The following PDK1 variants were observed in gnomAD, a reference collection of about 807,000 sequenced individuals.
PDK1 encodes the protein pyruvate dehydrogenase kinase 1.
In PDK1, 39 loss-of-function variants were observed where a neutral mutation model predicts 54.2. That is an observed-to-expected ratio of 0.72 (90% CI 0.56 to 0.94). PDK1 has a LOEUF of 0.94. Among genes scored for constraint, PDK1 ranks in the 40% least tolerant of loss-of-function variants. The pLI, the probability that PDK1 is intolerant of heterozygous loss-of-function variation, is 0.00. For synonymous variants in PDK1, 221 were observed against 207.1 expected, an observed-to-expected ratio of 1.07 and a Z score of -0.58; for missense variants, 552 against 566.0, an observed-to-expected ratio of 0.98 and a Z score of 0.25.
chr2:172,707,252 TCTC>T, the PDK1 span, among the ~76,000 whole-genome samples: 2 of 152,276 alleles, frequency 1.3e-5, no homozygotes, highest in African/African-American at 4.8e-5. Flanking sequence ...CTGTACTTGG[TCTC>T]CTCAGATTCC....
chr2:172,576,651 C>A (rs1340223305), intron 8 of PDK1, among the ~76,000 whole-genome samples: 1 of 151,998 alleles, frequency 6.6e-6, no homozygotes, highest in Non-Finnish European at 1.5e-5. Context: ...GTCTATCTTA[C>A]AAGTTTTTAA....
At chr2:172,698,173 A>C in the PDK1 span, among the ~76,000 whole-genome samples, 28,768 of 152,188 alleles carry the variant, frequency 0.19, 3,305 homozygotes, top group African/African-American at 0.32. Flanking sequence ...GGTTTTGTGT[A>C]TCTACATGGA....
chr2:172,619,094 A>C, the PDK1 span, among the ~76,000 whole-genome samples: 374 of 152,206 alleles, frequency 2.5e-3, 1 homozygote, highest in Non-Finnish European at 4.4e-3. Context: ...TCATCTTTGC[A>C]TGACTTTCAC....
At chr2:172,702,511 G>T in the PDK1 span, among the ~76,000 whole-genome samples, 2 of 150,134 alleles carry the variant, frequency 1.3e-5, no homozygotes, top group African/African-American at 4.9e-5. Flanking sequence ...ATTTGCCAGG[G>T]CCTCTTTCAT....
the PDK1 span, among the ~76,000 whole-genome samples, chr2:172,713,817 C>G: frequency 3.3e-5 from 5 of 152,098 alleles, no homozygotes; most frequent in African/African-American, 1.2e-4. Context: ...GTGTGGATCC[C>G]GTCTGTTCCC....
the PDK1 span, among the ~76,000 whole-genome samples, chr2:172,634,860 T>C: frequency 0.016 from 2,391 of 152,294 alleles, 64 homozygotes; most frequent in African/African-American, 0.055. Flanking sequence ...ACCCTTTTTA[T>C]ATGAAGTAAC....
At chr2:172,565,177 G>A (rs1211997882) in intron 5 of PDK1, 104 bp downstream of exon 5, 16 of 699,008 alleles carry the variant, frequency 2.3e-5, no homozygotes, top group Non-Finnish European at 5.0e-6. Context: ...AAAATGGTAG[G>A]CACAAATGCA....
the PDK1 span, among the ~76,000 whole-genome samples, chr2:172,651,290 C>A: frequency 6.6e-6 from 1 of 152,144 alleles, no homozygotes; most frequent in African/African-American, 2.4e-5. Context: ...AACAAAGACA[C>A]AACATATCAG....
chr2:172,613,745 G>A, the PDK1 span, among the ~76,000 whole-genome samples: 1 of 152,226 alleles, frequency 6.6e-6, no homozygotes. Flanking sequence ...CAGCAGGGAA[G>A]TGTGGCTGGG....
the PDK1 span, among the ~76,000 whole-genome samples, chr2:172,666,379 A>G: frequency 6.6e-6 from 1 of 152,252 alleles, no homozygotes; most frequent in African/African-American, 2.4e-5. Flanking sequence ...GCACTCAAAC[A>G]TAAATTTAAT....
At chr2:172,589,905 G>A (rs1237612982) in intron 9 of PDK1, among the ~76,000 whole-genome samples, 1 of 152,128 alleles carries the variant, frequency 6.6e-6, no homozygotes, top group East Asian at 1.9e-4. Flanking sequence ...GAACAGACAC[G>A]GAATGATATG....
the PDK1 span, among the ~76,000 whole-genome samples, chr2:172,692,969 A>G: frequency 2.0e-5 from 3 of 152,230 alleles, no homozygotes; most frequent in Non-Finnish European, 4.4e-5. Context: ...TTGCAAAAGC[A>G]TCCACAGTAA....
At chr2:172,663,586 C>T in the PDK1 span, among the ~76,000 whole-genome samples, 1 of 152,154 alleles carries the variant, frequency 6.6e-6, no homozygotes, top group East Asian at 1.9e-4. Context: ...CCTCCTGTGA[C>T]AGCCAGGTGG....
chr2:172,645,704 A>G, the PDK1 span, among the ~76,000 whole-genome samples: 1 of 152,210 alleles, frequency 6.6e-6, no homozygotes, highest in African/African-American at 2.4e-5. Context: ...AGGACAAGTA[A>G]TGTGTTGTCA....
the PDK1 span, among the ~76,000 whole-genome samples, chr2:172,682,973 T>C: frequency 7.2e-5 from 11 of 152,284 alleles, no homozygotes; most frequent in South Asian, 2.3e-3. Flanking sequence ...TGATACCTTA[T>C]AAGGCTGAGG....
chr2:172,679,837 A>G, the PDK1 span, among the ~76,000 whole-genome samples: 1 of 152,230 alleles, frequency 6.6e-6, no homozygotes, highest in East Asian at 1.9e-4. Context: ...ACCAGGTCGA[A>G]CACAGGTTAA....
chr2:172,641,509 T>C, the PDK1 span, among the ~76,000 whole-genome samples: 1 of 149,364 alleles, frequency 6.7e-6, no homozygotes, highest in Non-Finnish European at 1.5e-5. Flanking sequence ...TGGCACAATC[T>C]CGGCTCACTG....
the PDK1 span, among the ~76,000 whole-genome samples, chr2:172,622,809 GTATATGTTTATATATTATATGTAATATGA>G: frequency 3.2e-4 from 45 of 139,188 alleles, no homozygotes; most frequent in African/African-American, 6.5e-4. Flanking sequence ...TATATATTAT[GTATATGTTTATATATTATATGTAATATGA>G]TATATGTTTA....
the PDK1 span, among the ~76,000 whole-genome samples, chr2:172,623,715 CTG>C: frequency 2.0e-5 from 3 of 152,072 alleles, no homozygotes; most frequent in Non-Finnish European, 4.4e-5. Context: ...AGGCTAAAGA[CTG>C]GAGTAAAACC....
Sources: gnomAD v4.1 joint callset for allele counts (sites outside exome capture counted in the v4.1 genomes callset) on GRCh38, gnomAD v4.1.1 for gene constraint, MANE v1.5 for transcripts, NCBI Gene and HGNC (gene_info 2026-07-23, HGNC 2026-07-21) for gene names.